The following CLDN14 variants were observed in gnomAD, a reference collection of about 807,000 sequenced individuals.
CLDN14 encodes the protein claudin-14.
Under a neutral mutation model 2.1 loss-of-function variants are expected in CLDN14, and 2 were observed. The ratio of observed to expected loss-of-function variants is 0.96; its 90% CI spans 0.39 to 3.01. CLDN14 has a LOEUF of 3.01. CLDN14 is among the 30% of genes most tolerant of loss of function. The pLI is 0.09. For synonymous variants in CLDN14, 136 were observed against 154.4 expected, an observed-to-expected ratio of 0.88 and a Z score of 0.88; for missense variants, 298 against 328.0, an observed-to-expected ratio of 0.91 and a Z score of 0.71.
rs1351073615 is a variant in CLDN14 at position 36,461,413 on chromosome 21, A to G, written c.283T>C (p.Cys95Arg). 6.2e-7 allele frequency: 1 copy of G among 1,613,252 alleles called. No individual in the cohort carries two copies. Among genetic ancestry groups the G allele is most frequent in the Non-Finnish European group, 8.5e-7 (1 of 1,179,984 alleles). The change falls in exon 2 of 2, where the codon TGC (cysteine) becomes CGC (arginine). Residue 95 changes from cysteine (C) to arginine (R), a missense_variant. Transcript: ENST00000399135. The stretch of plus-strand genomic sequence containing the variant: ...TTCATCCCGATGACGGCGCAGGCGC[A>G]GGCTATGCCCGAGAGCAGGCAGGAG... ...VISCLLSGIA[C>R]ACAVIGMKCT...
chr21:36,568,075 G>T (rs2087685483), intron 1 of CLDN14, among the ~76,000 whole-genome samples: 1 of 152,192 alleles, frequency 6.6e-6, no homozygotes, highest in Non-Finnish European at 1.5e-5. Flanking sequence ...GCTCTGGGAT[G>T]AGAGGGCCCT....
In CLDN14 at chr21:36,492,171, ACG is replaced by A. The variant is rs1273347142; in HGVS notation, c.-82+18190_-82+18191del. ...ATGCAAGGGCCGGGCGCGGTGGCTC[ACG>A]CCTGTAATCCCAGCACTTTGGAAGG... On this transcript the variant is annotated intron_variant, in intron 2 of 2. Coordinates refer to the CLDN14 transcript ENST00000342108. Among the ~76,000 whole-genome samples, 854 of 126,512 alleles carry A rather than the reference ACG, an allele frequency of 6.8e-3. 6 individuals carry two copies. Among genetic ancestry groups the A allele is most frequent in the East Asian group, 0.028 (76 of 2,758 alleles). The allele number at this position is 126,512 out of a possible 152,430, so 83.0% of individuals were successfully genotyped here.
chr21:36,474,994 G>A (rs1330520579), intron 1 of CLDN14, among the ~76,000 whole-genome samples: 5 of 152,300 alleles, frequency 3.3e-5, no homozygotes, highest in Non-Finnish European at 7.4e-5. Flanking sequence ...GAGGAGGTGC[G>A]GGAGGCTTGA....
intron 2 of CLDN14, among the ~76,000 whole-genome samples, chr21:36,493,933 G>C: frequency 6.6e-6 from 1 of 152,178 alleles, no homozygotes; most frequent in South Asian, 2.1e-4. Flanking sequence ...GTCCTGGCTG[G>C]GAGCCAGTGG....
At chr21:36,463,132 G>A (rs1260813340) in intron 1 of CLDN14, among the ~76,000 whole-genome samples, 4 of 152,208 alleles carry the variant, frequency 2.6e-5, no homozygotes, top group African/African-American at 7.2e-5. Flanking sequence ...CTGGGGCAAG[G>A]TAATCAGCGA....
At chr21:36,555,371 G>A (rs2087591584) in intron 1 of CLDN14, among the ~76,000 whole-genome samples, 1 of 152,244 alleles carries the variant, frequency 6.6e-6, no homozygotes, top group African/African-American at 2.4e-5. Flanking sequence ...TGGAGAAGGT[G>A]GTTCGGCTCC....
intron 1 of CLDN14, among the ~76,000 whole-genome samples, chr21:36,469,241 A>G (rs1319226976): frequency 2.6e-5 from 4 of 152,342 alleles, no homozygotes; most frequent in Admixed American, 2.6e-4. Flanking sequence ...AAACCACTTC[A>G]TATTCATTTC....
intron 1 of CLDN14, among the ~76,000 whole-genome samples, chr21:36,518,224 A>G (rs1441547951): frequency 1.3e-5 from 2 of 152,080 alleles, no homozygotes; most frequent in African/African-American, 4.8e-5. Flanking sequence ...TGCAAATTCT[A>G]CCTCTTTTTC....
At chr21:36,570,445 C>T (rs2087701580) in intron 1 of CLDN14, among the ~76,000 whole-genome samples, 1 of 152,140 alleles carries the variant, frequency 6.6e-6, no homozygotes, top group Non-Finnish European at 1.5e-5. Flanking sequence ...CTTTGGGATG[C>T]CCTTGCCTGA....
chr21:36,554,076 C>CAAG (rs1469491998), intron 1 of CLDN14, among the ~76,000 whole-genome samples: 1 of 152,244 alleles, frequency 6.6e-6, no homozygotes, highest in African/African-American at 2.4e-5. Flanking sequence ...TGCCCCTGCC[C>CAAG]AAGTCCATGC....
At position 36,523,759 on chromosome 21, in the gene CLDN14, A is replaced by AG. The variant is rs1365684056; in HGVS notation, c.-219-13260_-219-13259insC. ...TGAGACTCCATCTAAAAAAAAAAAA[A>AG]AAAGAAAGAAAGAGAGAAAGAGAGA... On this transcript the variant is annotated intron_variant, in intron 1 of 2. Transcript: ENST00000342108. Among the ~76,000 whole-genome samples, 14 of 78,126 alleles carry AG rather than the reference A, an allele frequency of 1.8e-4. 1 individual carries two copies. Among genetic ancestry groups the AG allele is most frequent in the Middle Eastern group, 5.6e-3 (1 of 180 alleles). The allele number at this position is 78,126 out of a possible 152,430, so 51.3% of individuals were successfully genotyped here.
In CLDN14 at chr21:36,526,526, T is replaced by A. The variant is rs545879455; in HGVS notation, c.-219-16026A>T. ...GCTGCTTCCTCCTGGCAAAGTGGGGTCCTGGAAAAGACCATGAATCTTATT... is the reference window on the plus strand; with the variant it reads ...GCTGCTTCCTCCTGGCAAAGTGGGGACCTGGAAAAGACCATGAATCTTATT... On this transcript the variant is annotated intron_variant, in intron 1 of 2. Coordinates refer to the CLDN14 transcript ENST00000342108. 5.3e-5 allele frequency: 8 copies of A among 152,274 alleles called. No individual in the cohort carries two copies. The East Asian group carries it at 1.3e-3, about 26-fold the overall frequency. The allele number at this position is 152,274 out of a possible 1,614,324, so 9.4% of individuals were successfully genotyped here.
At chr21:36,485,062 GTC>G (rs1186433606), upstream of CLDN14, among the ~76,000 whole-genome samples, 2 of 151,454 alleles carry the variant, frequency 1.3e-5, no homozygotes, top group Non-Finnish European at 3.0e-5. Flanking sequence ...CATCCACAAA[GTC>G]TCTGTTTCCA....
At chr21:36,536,431 G>A (rs1367753691) in intron 1 of CLDN14, among the ~76,000 whole-genome samples, 3 of 152,228 alleles carry the variant, frequency 2.0e-5, no homozygotes, top group Non-Finnish European at 4.4e-5. Flanking sequence ...TTGACCTTGT[G>A]TATTAAAGAA....
intron 2 of CLDN14, among the ~76,000 whole-genome samples, chr21:36,485,353 C>T (rs1288004165): frequency 6.6e-6 from 1 of 152,060 alleles, no homozygotes; most frequent in Admixed American, 6.6e-5. Context: ...GGATTACAGG[C>T]ATGCACCACC....
intron 1 of CLDN14, among the ~76,000 whole-genome samples, chr21:36,475,997 A>G (rs918488375): frequency 3.3e-5 from 5 of 152,126 alleles, no homozygotes; most frequent in South Asian, 2.1e-4. Flanking sequence ...TAAAGGTCCT[A>G]TTAGGAGCTT....
Position 36,498,004 on chromosome 21 carries a change from CTTT to C in CLDN14, c.-82+12356_-82+12358del, listed in dbSNP as rs891407982. On this transcript the variant is annotated intron_variant, in intron 2 of 2. Transcript: ENST00000342108. The surrounding 1 kb of genome is among the most constrained non-coding windows in gnomAD (Gnocchi z 4.9). ...CACTGTTGTCAGCGAGAGGAAGATG[CTTT>C]TTTTTTTTTTGAGATGGAGTTTTGC... Among the ~76,000 whole-genome samples the C allele has an allele frequency of 7.0e-6, 1 of 143,266 alleles. No individual in the cohort carries two copies. The highest frequency in any genetic ancestry group is 7.0e-5 in the Admixed American group (1 of 14,264). The allele number at this position is 143,266 out of a possible 152,430, so 94.0% of individuals were successfully genotyped here.
chr21:36,503,970 T>A lies in CLDN14; in HGVS notation c.-82+6393A>T, dbSNP rs1431926686. On this transcript the variant is annotated intron_variant, in intron 2 of 2. Coordinates refer to the CLDN14 transcript ENST00000342108. ...AATTAAGATGCCATCAATTGTAAGA[T>A]GTAGTATCACTGATAAAGAAAATAG... 3.3e-5 allele frequency among the ~76,000 whole-genome samples: 5 copies of A among 150,174 alleles called. No individual in the cohort carries two copies. The East Asian group carries it at 9.7e-4, about 29-fold the overall frequency.
chr21:36,468,287 A>G (rs1315144890), intron 1 of CLDN14, among the ~76,000 whole-genome samples: 1 of 152,142 alleles, frequency 6.6e-6, no homozygotes. Flanking sequence ...TATTTCATAA[A>G]TGCTTTAGGC....
Sources: gnomAD v4.1 joint callset for allele counts (sites outside exome capture counted in the v4.1 genomes callset) on GRCh38, gnomAD v4.1.1 for gene constraint, Gnocchi (gnomAD v3.1) non-coding constraint, MANE v1.5 for transcripts, NCBI Gene and HGNC (gene_info 2026-07-23, HGNC 2026-07-21) for gene names.